Variants in LRIG2 observed in about 807,000 individuals in gnomAD.
LRIG2 encodes the protein leucine rich repeats and immunoglobulin like domains 2.
In LRIG2, 93 loss-of-function variants were observed where a neutral mutation model predicts 107.8. That is an observed-to-expected ratio of 0.86 (90% CI 0.73 to 1.03). LRIG2 has a LOEUF of 1.03. Ranked by LOEUF, LRIG2 falls within the 50% of genes least tolerant of loss-of-function variation. The pLI, the probability that LRIG2 is intolerant of heterozygous loss-of-function variation, is 0.00. For missense variants in LRIG2, 1,226 were observed against 1,296.0 expected, an observed-to-expected ratio of 0.95 and a Z score of 0.83; for synonymous variants, 471 against 470.6, an observed-to-expected ratio of 1.00 and a Z score of -0.01.
In LRIG2 at chr1:113,112,647, A is replaced by G; in HGVS notation, c.1967A>G (p.Glu656Gly). Reference sequence around the variant, plus strand: ...GAAAGACGCATGCACGTCATGCCCGAGGATGACGTCTTCTTTATTGCCAAT... The same window carrying G: ...GAAAGACGCATGCACGTCATGCCCGGGGATGACGTCTTCTTTATTGCCAAT... The part of the protein sequence containing the change: ...ARERRMHVMP[E>G]DDVFFIANVK... Residue 656 changes from glutamate to glycine, a missense_variant, in exon 14 of 18, where the codon GAG (glutamate) becomes GGG (glycine). Coordinates refer to ENST00000361127, the MANE Select transcript of LRIG2 (RefSeq NM_014813.3). 1 of 1,614,168 alleles carries G rather than the reference A, an allele frequency of 6.2e-7. No homozygotes were observed. The highest frequency in any genetic ancestry group is 8.5e-7 in the Non-Finnish European group (1 of 1,180,034).
At chr1:113,101,797 T>A (rs1434661425) in intron 11 of LRIG2, among the ~76,000 whole-genome samples, 2 of 152,218 alleles carry the variant, frequency 1.3e-5, no homozygotes, top group Non-Finnish European at 2.9e-5. Context: ...TATGTGAAGA[T>A]AAAGTGAGAT....
At chr1:113,108,468 C>G (rs955293085) in intron 12 of LRIG2, among the ~76,000 whole-genome samples, 5 of 151,704 alleles carry the variant, frequency 3.3e-5, no homozygotes, top group Non-Finnish European at 5.9e-5. Flanking sequence ...AGGTGATCTG[C>G]CTGCCTCTGC....
chr1:113,076,374 T>C (rs1652985430), intron 1 of LRIG2, among the ~76,000 whole-genome samples: 1 of 152,226 alleles, frequency 6.6e-6, no homozygotes, highest in African/African-American at 2.4e-5. Context: ...ATGTAAGATA[T>C]ATTTTTGTGT....
At chr1:113,113,195 C>CA (rs1654846293) in intron 14 of LRIG2, among the ~76,000 whole-genome samples, 3 of 88,486 alleles carry the variant, frequency 3.4e-5, no homozygotes, top group Middle Eastern at 5.1e-3. Context: ...AGTTCATTTT[C>CA]AAAAAAAATT....
intron 1 of LRIG2, among the ~76,000 whole-genome samples, chr1:113,086,000 G>GTTTTTTTTTTTTTTTTTTTTTTTTTTTTT (rs34131524): frequency 1.5e-5 from 1 of 65,002 alleles, no homozygotes. Flanking sequence ...TAACCCTGAG[G>GTTTTTTTTTTTTTTTTTTTTTTTTTTTTT]TTTTTTTTTT....
chr1:113,076,094 C>T (rs1385348847), intron 1 of LRIG2, among the ~76,000 whole-genome samples: 2 of 151,426 alleles, frequency 1.3e-5, no homozygotes, highest in Non-Finnish European at 2.9e-5. Context: ...CAGCCTCTGC[C>T]TCCTGGGTTC....
In LRIG2 at chr1:113,128,596, G is replaced by A. The variant is rs187763442; in HGVS notation, c.*4495G>A. 3 of 152,344 alleles carry A rather than the reference G, an allele frequency of 2.0e-5. No homozygotes were observed. The highest frequency in any genetic ancestry group is 2.0e-4 in the Admixed American group (3 of 15,302). 9.4% of individuals were successfully genotyped at this position (152,344 alleles called of 1,614,324 possible). A position where few individuals can be genotyped will look rare whatever the true frequency, so the allele number is the denominator to read the frequency against. ...GGTGACATTTGTTCGAGTAGAACAAGAGTGATGCTGCTCATTCTGACTTGA... is the reference window on the plus strand; with the variant it reads ...GGTGACATTTGTTCGAGTAGAACAAAAGTGATGCTGCTCATTCTGACTTGA... On this transcript the variant is annotated 3_prime_UTR_variant, in exon 18 of 18. Coordinates refer to ENST00000361127, the MANE Select transcript of LRIG2 (RefSeq NM_014813.3).
chr1:113,090,863 T>C (rs1653785485), intron 1 of LRIG2, among the ~76,000 whole-genome samples: 1 of 151,612 alleles, frequency 6.6e-6, no homozygotes, highest in Non-Finnish European at 1.5e-5. Flanking sequence ...AAATTTTTTT[T>C]TTTTTTGAGA....
In LRIG2 at chr1:113,110,497, A is replaced by G. The variant is rs1208616884; in HGVS notation, c.1733A>G (p.Tyr578Cys). 6.2e-7 allele frequency: 1 copy of G among 1,613,500 alleles called. No individual in the cohort carries two copies. The highest frequency in any genetic ancestry group is 1.3e-5 in the African/African-American group (1 of 74,934). Residue 578 changes from tyrosine (Y) to cysteine (C), a missense_variant, in exon 13 of 18, where the codon TAT becomes TGT. By Grantham distance (194) the Tyr-to-Cys change is radical (BLOSUM62 -2). Around this residue, in one of 3 missense-constraint regions of LRIG2, gnomAD observed 642 missense variants for 712.2 expected, o/e 0.90. Coordinates refer to ENST00000361127, the MANE Select transcript of LRIG2 (RefSeq NM_014813.3). The part of the protein sequence containing the change: ...FNVNFTDEGK[Y>C]QCIVTNHFGS... ...GTGAATTTCACAGATGAAGGAAAAT[A>G]TCAGTGTATTGTTACTAATCACTTT...
In LRIG2 at chr1:113,114,745, A is replaced by G. The variant is rs1175103892; in HGVS notation, c.2399A>G (p.Asp800Gly). The change falls in exon 15 of 18, where the codon GAT (aspartate) becomes GGT (glycine). Residue 800 changes from aspartate (D) to glycine (G), a missense_variant. Asp to Gly is a moderately conservative substitution (Grantham distance 94). This residue lies in a region of LRIG2 where 642 missense variants were observed against 712.2 expected (regional missense o/e 0.90). Transcript: ENST00000361127. ...TCCCAGAGTAGCATTGGGCATGAAG[A>G]TGATGGCTGGACCACAGTTGGCATT... ...DSSQSSIGHE[D>G]DGWTTVGIVI... 2.5e-6 allele frequency: 4 copies of G among 1,614,082 alleles called. No individual in the cohort carries two copies. Among genetic ancestry groups the G allele is most frequent in the East Asian group, 4.5e-5 (2 of 44,898 alleles).
chr1:113,090,343 T>G (rs1018900107), intron 1 of LRIG2, among the ~76,000 whole-genome samples: 6 of 152,070 alleles, frequency 3.9e-5, no homozygotes, highest in African/African-American at 1.4e-4. Context: ...GAAACAAAAG[T>G]GGGAGACTTT....
At chr1:113,109,561 A>G (rs961207552) in intron 12 of LRIG2, among the ~76,000 whole-genome samples, 2 of 152,222 alleles carry the variant, frequency 1.3e-5, no homozygotes, top group African/African-American at 4.8e-5. Context: ...TCTTTTGCCC[A>G]GGCTGGAGTG....
intron 12 of LRIG2, among the ~76,000 whole-genome samples, chr1:113,109,954 T>TGACA (rs58187030): frequency 1.2e-3 from 179 of 152,266 alleles, no homozygotes; most frequent in African/African-American, 4.1e-3. Context: ...AGCACACAGG[T>TGACA]GACAGTAAGG....
chr1:113,077,036 G>C (rs1653010501), intron 1 of LRIG2, among the ~76,000 whole-genome samples: 1 of 152,178 alleles, frequency 6.6e-6, no homozygotes, highest in East Asian at 1.9e-4. Flanking sequence ...ACATTAAGAA[G>C]TATGTATTTT....
intron 8 of LRIG2, among the ~76,000 whole-genome samples, chr1:113,098,214 T>G (rs1006033003): frequency 6.6e-6 from 1 of 152,210 alleles, no homozygotes; most frequent in African/African-American, 2.4e-5. Context: ...TGGGGCATCT[T>G]TAATTGCTCT....
In LRIG2 at chr1:113,114,451, T is replaced by G; in HGVS notation, c.2105T>G (p.Leu702Arg). Residue 702 changes from leucine (L) to arginine (R), a missense_variant, in exon 15 of 18, where the codon CTG becomes CGG. Coordinates refer to ENST00000361127, the MANE Select transcript of LRIG2 (RefSeq NM_014813.3). Reference sequence around the variant, plus strand: ...GAGACACCCTCATTTATTAGACCCCTGGAGGATAAGACAGTAACACGAGGT... The same window carrying G: ...GAGACACCCTCATTTATTAGACCCCGGGAGGATAAGACAGTAACACGAGGT... ...VLETPSFIRP[L>R]EDKTVTRGET... is the part of the protein sequence containing the mutation. 6.2e-7 allele frequency: 1 copy of G among 1,610,300 alleles called. No individual in the cohort carries two copies. The highest frequency in any genetic ancestry group is 8.5e-7 in the Non-Finnish European group (1 of 1,177,836).
intron 1 of LRIG2, among the ~76,000 whole-genome samples, chr1:113,085,235 A>G (rs1196239402): frequency 2.6e-5 from 4 of 152,204 alleles, no homozygotes; most frequent in Admixed American, 1.3e-4. Context: ...ACAGAGGAAC[A>G]GTAGTGAAGT....
intron 11 of LRIG2, among the ~76,000 whole-genome samples, chr1:113,102,203 AT>A (rs1042040437): frequency 6.6e-6 from 1 of 152,090 alleles, no homozygotes; most frequent in African/African-American, 2.4e-5. Flanking sequence ...AATATCTACA[AT>A]TTTTTTGATA....
At chr1:113,113,597 C>T (rs1393753358) in intron 14 of LRIG2, among the ~76,000 whole-genome samples, 1 of 150,890 alleles carries the variant, frequency 6.6e-6, no homozygotes, top group African/African-American at 2.4e-5. Context: ...GAGTCTCATT[C>T]TGTTGCCCAG....
Sources: gnomAD v4.1 joint callset for allele counts (sites outside exome capture counted in the v4.1 genomes callset) on GRCh38, gnomAD v4.1.1 for gene constraint, gnomAD v4.1.1 regional missense constraint, MANE v1.5 for transcripts, NCBI Gene and HGNC (gene_info 2026-07-23, HGNC 2026-07-21) for gene names.